TSPAN5: variants seen among roughly 807,000 people sequenced by gnomAD.
The protein encoded by TSPAN5 is tetraspanin-5.
A neutral mutation model predicts 37.1 loss-of-function variants in TSPAN5; 10 were observed. The observed-to-expected ratio is 0.27, with a 90% CI of 0.17 to 0.46. The LOEUF is 0.46. TSPAN5 is among the 20% of genes least tolerant of loss of function. TSPAN5 has a pLI of 1.00. For synonymous variants in TSPAN5, 110 were observed against 118.9 expected, an observed-to-expected ratio of 0.93 and a Z score of 0.48; for missense variants, 195 against 326.6, an observed-to-expected ratio of 0.60 and a Z score of 3.11.
At chr4:98,518,278 T>C (rs1289918698) in intron 1 of TSPAN5, among the ~76,000 whole-genome samples, 2 of 152,266 alleles carry the variant, frequency 1.3e-5, no homozygotes, top group African/African-American at 2.4e-5. Flanking sequence ...AAGGTAAAAG[T>C]AGGATTATAT....
intron 7 of TSPAN5, among the ~76,000 whole-genome samples, chr4:98,474,067 T>C (rs1752643160): frequency 6.6e-6 from 1 of 152,390 alleles, no homozygotes; most frequent in South Asian, 2.1e-4. Flanking sequence ...TTATTTACAT[T>C]TGTTTCATTG....
chr4:98,549,966 G>C (rs1754570432), intron 1 of TSPAN5, among the ~76,000 whole-genome samples: 1 of 151,894 alleles, frequency 6.6e-6, no homozygotes, highest in Non-Finnish European at 1.5e-5. Flanking sequence ...CTTTGCCTGG[G>C]CCAATGTCCA....
intron 1 of TSPAN5, among the ~76,000 whole-genome samples, chr4:98,623,814 T>C (rs1242802363): frequency 6.6e-6 from 1 of 152,152 alleles, no homozygotes; most frequent in Admixed American, 6.5e-5. Flanking sequence ...GTTACTTTAT[T>C]TGAAAACAAC....
intron 7 of TSPAN5, among the ~76,000 whole-genome samples, chr4:98,475,379 G>A (rs1170518642): frequency 1.3e-5 from 2 of 152,170 alleles, no homozygotes; most frequent in East Asian, 3.9e-4. Context: ...CCAACAACAT[G>A]AAGAGTCCAG....
chr4:98,561,299 C>T (rs1754878101), intron 1 of TSPAN5, among the ~76,000 whole-genome samples: 1 of 152,252 alleles, frequency 6.6e-6, no homozygotes, highest in East Asian at 1.9e-4. Flanking sequence ...CCTATAATCC[C>T]AGCACTTTGG....
At chr4:98,637,105 T>C (rs911177160) in intron 1 of TSPAN5, among the ~76,000 whole-genome samples, 5 of 152,342 alleles carry the variant, frequency 3.3e-5, no homozygotes, top group Admixed American at 3.3e-4. Context: ...GCACAGGCAG[T>C]AGTTATCACA....
At chr4:98,619,056 C>T (rs1017785824) in intron 1 of TSPAN5, among the ~76,000 whole-genome samples, 1 of 152,180 alleles carries the variant, frequency 6.6e-6, no homozygotes, top group African/African-American at 2.4e-5. Context: ...CCATAAAGCT[C>T]TGATAAAGTC....
intron 2 of TSPAN5, among the ~76,000 whole-genome samples, chr4:98,505,146 G>T (rs1753447833): frequency 6.6e-6 from 1 of 151,966 alleles, no homozygotes; most frequent in South Asian, 2.1e-4. Context: ...ATATGAATTT[G>T]GCAGGGTGGG....
At chr4:98,552,996 A>G (rs1231625565) in intron 1 of TSPAN5, among the ~76,000 whole-genome samples, 1 of 152,214 alleles carries the variant, frequency 6.6e-6, no homozygotes, top group Non-Finnish European at 1.5e-5. Flanking sequence ...ATGTAACATG[A>G]AAGTTTTGAA....
intron 1 of TSPAN5, among the ~76,000 whole-genome samples, chr4:98,616,868 ATT>A (rs59868555): frequency 6.9e-6 from 1 of 144,280 alleles, no homozygotes; most frequent in Admixed American, 7.0e-5. Flanking sequence ...CTCCACGTAA[ATT>A]TTTTTTTTTT....
rs1553912214 is a variant in TSPAN5, at chr4:98,533,946, A to AAAACAAAAAAC, written c.82-26219_82-26218insGTTTTTTGTTT. ...TATCCATTTTGTTGATCTTAAAAAA[A>AAAACAAAAAAC]AAAAAAAAAAAAAAAACCAGCTCCT... On this transcript the variant is annotated intron_variant, in intron 1 of 7. Coordinates refer to ENST00000305798, the MANE Select transcript of TSPAN5 (RefSeq NM_005723.4). Among the ~76,000 whole-genome samples, 28 of 140,306 alleles carry AAAACAAAAAAC rather than the reference A, an allele frequency of 2.0e-4. 3 individuals are homozygous for AAAACAAAAAAC. The highest frequency in any genetic ancestry group is 1.6e-3 in the Admixed American group (23 of 14,028). 92.0% of individuals were successfully genotyped at this position (140,306 alleles called of 152,430 possible).
At chr4:98,503,186 G>A (rs1275279726) in intron 2 of TSPAN5, among the ~76,000 whole-genome samples, 1 of 152,090 alleles carries the variant, frequency 6.6e-6, no homozygotes, top group Non-Finnish European at 1.5e-5. Context: ...GGGGTAACCA[G>A]TTGGGTCTGC....
intron 1 of TSPAN5, among the ~76,000 whole-genome samples, chr4:98,570,746 ATGTGACCTAAGCCCT>A (rs1261529511): frequency 6.6e-6 from 1 of 152,098 alleles, no homozygotes. Context: ...TGAGAACCTA[ATGTGACCTAAGCCCT>A]TGACCAGGTA....
chr4:98,628,853 A>G (rs1756669348), intron 1 of TSPAN5, among the ~76,000 whole-genome samples: 1 of 152,376 alleles, frequency 6.6e-6, no homozygotes, highest in African/African-American at 2.4e-5. Flanking sequence ...CATTGCAGAG[A>G]GAAGGCATGC....
chr4:98,526,709 G>T (rs572991247), intron 1 of TSPAN5, among the ~76,000 whole-genome samples: 1 of 150,860 alleles, frequency 6.6e-6, no homozygotes. Context: ...AGGTCTCAAG[G>T]GGGGTGGAGG....
intron 4 of TSPAN5, among the ~76,000 whole-genome samples, chr4:98,480,474 C>T (rs1752813431): frequency 6.6e-6 from 1 of 152,210 alleles, no homozygotes; most frequent in Non-Finnish European, 1.5e-5. Flanking sequence ...AAGGCTACTA[C>T]ACAAGCCCCT....
rs2110259371 is a variant in TSPAN5, at chr4:98,482,011, C to G, written c.444G>C (p.Gln148His). The G allele has an allele frequency of 6.2e-7, 1 of 1,613,656 alleles. No homozygotes were observed. The highest frequency in any genetic ancestry group is 1.1e-5 in the South Asian group (1 of 90,912). The change falls in exon 4 of 8, where the codon CAG becomes CAC. Residue 148 changes from glutamine to histidine, a missense_variant. By Grantham distance (24) the Gln-to-His change is conservative. Coordinates refer to ENST00000305798, the MANE Select transcript of TSPAN5 (RefSeq NM_005723.4). ...IDLQNLIDFT[Q>H]EYWQCCGAFG... ...CAAACCACTTTAAACTTACATATTCCTGGGTGAAGTCTATGAGGTTTTGCA... is the reference window on the plus strand; with the variant it reads ...CAAACCACTTTAAACTTACATATTCGTGGGTGAAGTCTATGAGGTTTTGCA...
At chr4:98,591,709 G>T (rs554920325) in intron 1 of TSPAN5, among the ~76,000 whole-genome samples, 1,348 of 131,858 alleles carry the variant, frequency 0.01, 29 homozygotes, top group African/African-American at 0.037. Context: ...TAATTTCATG[G>T]TTTTTTTTCT....
chr4:98,524,585 A>G (rs1184078994), intron 1 of TSPAN5, among the ~76,000 whole-genome samples: 1 of 152,132 alleles, frequency 6.6e-6, no homozygotes, highest in African/African-American at 2.4e-5. Context: ...TTTGTCAAAC[A>G]CTTAAATATT....
Sources: allele counts gnomAD v4.1 joint callset (sites outside exome capture counted in the v4.1 genomes callset), GRCh38; gene constraint gnomAD v4.1.1; transcripts MANE v1.5; gene names NCBI Gene and HGNC (gene_info 2026-07-23, HGNC 2026-07-21).